The following THSD4 variants were observed in gnomAD, a reference collection of about 807,000 sequenced individuals.
THSD4 encodes the protein thrombospondin type 1 domain containing 4, also known as thrombospondin type-1 domain-containing protein 4.
THSD4 carries 69 observed loss-of-function variants against 119.0 expected under a neutral mutation model. That is an observed-to-expected ratio of 0.58 (90% CI 0.48 to 0.71). The LOEUF (loss-of-function observed/expected upper bound fraction) is 0.71, where lower values mean the gene tolerates loss of function less well. THSD4 is among the 30% of genes least tolerant of loss of function. THSD4 has a pLI of 0.00. For synonymous variants in THSD4, 524 were observed against 540.4 expected, an observed-to-expected ratio of 0.97 and a Z score of 0.42; for missense variants, 1,393 against 1,391.1, an observed-to-expected ratio of 1.00 and a Z score of -0.02.
At chr15:71,400,968 A>G (rs763009022) in intron 6 of THSD4, among the ~76,000 whole-genome samples, 1 of 152,180 alleles carries the variant, frequency 6.6e-6, no homozygotes, top group Non-Finnish European at 1.5e-5. Flanking sequence ...TCACATGTTT[A>G]TGCACAGAAT....
chr15:71,288,522 C>T (rs1260459739), intron 6 of THSD4, among the ~76,000 whole-genome samples: 3 of 152,004 alleles, frequency 2.0e-5, no homozygotes, highest in Non-Finnish European at 2.9e-5. Flanking sequence ...AAATAAATAC[C>T]CTGACTTATC....
At chr15:71,644,264 T>G (rs2050925273) in intron 7 of THSD4, among the ~76,000 whole-genome samples, 1 of 152,210 alleles carries the variant, frequency 6.6e-6, no homozygotes, top group Non-Finnish European at 1.5e-5. Context: ...TACTTGCCAA[T>G]AAGCCTGATT....
intron 6 of THSD4, among the ~76,000 whole-genome samples, chr15:71,328,586 G>A (rs745746117): frequency 3.6e-4 from 55 of 152,314 alleles, no homozygotes; most frequent in Middle Eastern, 6.8e-3. Flanking sequence ...CTCTCCAGGA[G>A]CCAGCATTCT....
At chr15:71,400,854 G>C (rs1260190910) in intron 6 of THSD4, among the ~76,000 whole-genome samples, 1 of 151,786 alleles carries the variant, frequency 6.6e-6, no homozygotes, top group Non-Finnish European at 1.5e-5. Context: ...AAAAGAACTT[G>C]AGCCTGGGAA....
chr15:71,106,208 C>T (rs772884259), intron 1 of THSD4, among the ~76,000 whole-genome samples: 4 of 152,156 alleles, frequency 2.6e-5, no homozygotes, highest in Non-Finnish European at 5.9e-5. Flanking sequence ...CCAGGGATCT[C>T]GTGCACAGTG....
chr15:71,463,832 C>A (rs78187315), intron 7 of THSD4, among the ~76,000 whole-genome samples: 1 of 152,212 alleles, frequency 6.6e-6, no homozygotes, highest in Admixed American at 6.5e-5. Context: ...CTTTTAGCCT[C>A]ATTTGTCTAC....
At chr15:71,263,331 G>GTATATATATCTATATATATATATATA (rs2044424074) in intron 6 of THSD4, among the ~76,000 whole-genome samples, 1 of 138,842 alleles carries the variant, frequency 7.2e-6, no homozygotes, top group Non-Finnish European at 1.6e-5. Flanking sequence ...GTATTCCATG[G>GTATATATATCTATATATATATATATA]TATATATATA....
intron 1 of THSD4, among the ~76,000 whole-genome samples, chr15:71,130,130 G>A (rs1238401519): frequency 6.6e-6 from 1 of 152,184 alleles, no homozygotes; most frequent in East Asian, 1.9e-4. Context: ...TGTGAACACA[G>A]GCAACTCTCC....
chr15:71,137,161 A>G (rs1596217611), intron 1 of THSD4, among the ~76,000 whole-genome samples: 1 of 152,148 alleles, frequency 6.6e-6, no homozygotes, highest in East Asian at 1.9e-4. Context: ...AAGAAAGGTT[A>G]TAAATCAACA....
chr15:71,603,649 G>A (rs1376661224), intron 7 of THSD4, among the ~76,000 whole-genome samples: 1 of 140,248 alleles, frequency 7.1e-6, no homozygotes, highest in African/African-American at 2.6e-5. Flanking sequence ...AAGCCGATGG[G>A]ATTTTTGGTG....
chr15:71,517,880 C>T (rs1392181270), intron 7 of THSD4, among the ~76,000 whole-genome samples: 1 of 152,238 alleles, frequency 6.6e-6, no homozygotes, highest in African/African-American at 2.4e-5. Flanking sequence ...CCTGATGCCA[C>T]TTCTATTTAA....
At chr15:71,570,416 T>TTC (rs2049327326) in intron 7 of THSD4, among the ~76,000 whole-genome samples, 1 of 151,358 alleles carries the variant, frequency 6.6e-6, no homozygotes, top group Admixed American at 6.6e-5. Flanking sequence ...TTTTTTTCTT[T>TTC]TTTTTTTTGA....
At chr15:71,657,034 CCAGACTT>C (rs1324689185) in intron 7 of THSD4, among the ~76,000 whole-genome samples, 1 of 152,148 alleles carries the variant, frequency 6.6e-6, no homozygotes, top group Non-Finnish European at 1.5e-5. Flanking sequence ...GCAACATCCT[CCAGACTT>C]TATGTACCCA....
chr15:71,368,802 T>G (rs539530210), intron 6 of THSD4, among the ~76,000 whole-genome samples: 2 of 152,344 alleles, frequency 1.3e-5, no homozygotes, highest in East Asian at 3.9e-4. Flanking sequence ...TTTAAAGTAG[T>G]TTTTTCCAAT....
chr15:71,366,229 A>G (rs964411884), intron 6 of THSD4, among the ~76,000 whole-genome samples: 4 of 152,060 alleles, frequency 2.6e-5, no homozygotes, highest in Admixed American at 6.5e-5. Flanking sequence ...ACCCGCCTCC[A>G]TGCCCGGCTA....
intron 14 of THSD4, among the ~76,000 whole-genome samples, chr15:71,754,271 G>A (rs2053499914): frequency 6.6e-6 from 1 of 151,956 alleles, no homozygotes. Flanking sequence ...TGTATTTTTA[G>A]TAGAGATGGG....
intron 13 of THSD4, 46 bp from the exon 14 acceptor site, chr15:71,748,375 G>A: frequency 6.2e-7 from 1 of 1,607,922 alleles, no homozygotes; most frequent in Non-Finnish European, 8.5e-7. Context: ...TTCTCTCCCA[G>A]AGCTGAAGCT....
chr15:71,180,682 G>A lies in THSD4; in HGVS notation c.99+25750G>A, dbSNP rs190283586. ...GAAGCCAGATGTAAAAGTATGTACA[G>A]TATCATTCCATGTATATTTAGTTCA... On this transcript the variant is annotated intron_variant, in intron 3 of 17. Transcript: ENST00000261862. 1.4e-3 allele frequency among the ~76,000 whole-genome samples: 214 copies of A among 152,308 alleles called. 4 individuals carry two copies. The highest frequency in any genetic ancestry group is 0.014 in the Admixed American group (211 of 15,296).
Position 71,148,728 on chromosome 15 carries a change from C to G in THSD4, c.30-6135C>G, listed in dbSNP as rs2040689938. Reference sequence around the variant, plus strand: ...GAAGAAAGTGGATGTAATCAGATGGCAAATGCTTGTTTTGTAAAAATGTGT... The same window carrying G: ...GAAGAAAGTGGATGTAATCAGATGGGAAATGCTTGTTTTGTAAAAATGTGT... On this transcript the variant is annotated intron_variant, in intron 2 of 17. Coordinates refer to ENST00000261862, the MANE Select transcript of THSD4 (RefSeq NM_024817.3). Among the ~76,000 whole-genome samples, 4 of 152,118 alleles carry G rather than the reference C, an allele frequency of 2.6e-5. No individual in the cohort carries two copies. In the South Asian group the frequency reaches 8.3e-4, roughly 32 times the overall value.
Sources: gnomAD v4.1 joint callset for allele counts (sites outside exome capture counted in the v4.1 genomes callset) on GRCh38, gnomAD v4.1.1 for gene constraint, MANE v1.5 for transcripts, NCBI Gene and HGNC (gene_info 2026-07-23, HGNC 2026-07-21) for gene names.